Variants in SEZ6L2 observed in about 807,000 individuals in gnomAD.
The protein encoded by SEZ6L2 is seizure related 6 homolog like 2, also known as seizure 6-like protein 2.
SEZ6L2 carries 44 observed loss-of-function variants against 97.0 expected under a neutral mutation model. The ratio of observed to expected loss-of-function variants is 0.45; its 90% CI spans 0.36 to 0.58. The LOEUF is 0.58. Among genes scored for constraint, SEZ6L2 ranks in the 20% least tolerant of loss-of-function variants. The pLI, the probability that SEZ6L2 is intolerant of heterozygous loss-of-function variation, is 0.00. For synonymous variants in SEZ6L2, 543 were observed against 546.1 expected (o/e 0.99, Z 0.08); for missense variants, 1,086 against 1,233.3 (o/e 0.88, Z 1.79).
chr16:29,888,997 G>A (rs1339924906), intron 5 of SEZ6L2, among the ~76,000 whole-genome samples: 1 of 152,128 alleles, frequency 6.6e-6, no homozygotes, highest in Non-Finnish European at 1.5e-5. Context: ...GTTCAAACAA[G>A]TTATTCTGGA....
intron 7 of SEZ6L2, 112 bp from the exon 8 acceptor site, chr16:29,885,861 T>G: frequency 2.0e-6 from 2 of 1,012,678 alleles, no homozygotes; most frequent in South Asian, 3.4e-5. Flanking sequence ...CATAACTATA[T>G]GCCACGCACT....
intron 7 of SEZ6L2, among the ~76,000 whole-genome samples, chr16:29,886,624 T>A (rs895207337): frequency 6.7e-6 from 1 of 149,374 alleles, no homozygotes; most frequent in South Asian, 2.1e-4. Context: ...GAGGTTGTAG[T>A]GAGCCGAGAT....
chr16:29,872,074 G>A (rs988496599), intron 17 of SEZ6L2, 113 bp downstream of exon 17: 15 of 854,364 alleles, frequency 1.8e-5, no homozygotes, highest in Non-Finnish European at 2.5e-5. Context: ...ATGGCCTCTG[G>A]GGGCAGCTGA....
intron 12 of SEZ6L2, among the ~76,000 whole-genome samples, chr16:29,875,405 T>G (rs1290486471): frequency 6.6e-6 from 1 of 152,158 alleles, no homozygotes; most frequent in Non-Finnish European, 1.5e-5. Flanking sequence ...GGTTCCCTCC[T>G]GAGCCCGAGG....
chr16:29,888,642 T>G lies in SEZ6L2; in HGVS notation c.937A>C (p.Thr313Pro), dbSNP rs767213007. 3 of 1,613,908 alleles carry G rather than the reference T, an allele frequency of 1.9e-6. No homozygotes were observed. Among genetic ancestry groups the G allele is most frequent in the Admixed American group, 3.3e-5 (2 of 59,988 alleles). The change falls in exon 6 of 18, where the codon ACC becomes CCC. Residue 313 changes from threonine (T) to proline (P), a missense_variant. Around this residue, in one of 2 missense-constraint regions of SEZ6L2, gnomAD observed 776 missense variants for 794.7 expected, o/e 0.98. Coordinates refer to ENST00000617533, the MANE Select transcript of SEZ6L2 (RefSeq NM_001243332.2). The part of the protein sequence containing the change: ...VTDLHPGGTA[T>P]FHCDSGYQLQ... The stretch of plus-strand genomic sequence containing the variant: ...TGGTAGCCCGAATCACAGTGAAAGG[T>G]GGCAGTGCCCCCAGGGTGCAGGTCC...
At chr16:29,898,863 G>T in intron 1 of SEZ6L2, 78 bp downstream of exon 1, 1 of 1,131,996 alleles carries the variant, frequency 8.8e-7, no homozygotes, top group Non-Finnish European at 1.3e-6. Context: ...GGAAGACCCA[G>T]GATATTAAGA....
In SEZ6L2 at chr16:29,897,882, C is replaced by T; in HGVS notation, c.182G>A (p.Arg61Lys). 6.2e-7 allele frequency: 1 copy of T among 1,612,488 alleles called. No individual in the cohort carries two copies. Among genetic ancestry groups the T allele is most frequent in the Middle Eastern group, 1.7e-4 (1 of 6,044 alleles). The change falls in exon 2 of 18, where the codon AGG becomes AAG. Residue 61 changes from arginine (R) to lysine (K), a missense_variant. Around this residue, in one of 2 missense-constraint regions of SEZ6L2, gnomAD observed 776 missense variants for 794.7 expected, o/e 0.98. Transcript: ENST00000617533. ...CAGGTAGCCCATCTCTGGGCCCCTC[C>T]TCAGCAGGGCCCCATGAAGCAGTTC... ...LAELLHGALL[R>K]RGPEMGYLPG... is the part of the protein sequence containing the mutation.
chr16:29,871,284 T>C lies in SEZ6L2; in HGVS notation c.*415A>G, dbSNP rs1177352820. On this transcript the variant is annotated 3_prime_UTR_variant, in exon 18 of 18. Transcript: ENST00000617533. ...TTGTCCCAGCTCTCCCCTTTGTCCT[T>C]CTTCTGACCCTCCTGGCCGGAGTCA... is the stretch of plus-strand genomic sequence containing the variant. 3.9e-6 allele frequency: 1 copy of C among 255,632 alleles called. No homozygotes were observed. The highest frequency in any genetic ancestry group is 7.8e-6 in the Non-Finnish European group (1 of 128,228). 15.8% of individuals were successfully genotyped at this position (255,632 alleles called of 1,614,324 possible). A position where few individuals can be genotyped will look rare whatever the true frequency, so the allele number is the denominator to read the frequency against.
At chr16:29,896,556 G>A (rs2068394301) in intron 3 of SEZ6L2, among the ~76,000 whole-genome samples, 1 of 152,202 alleles carries the variant, frequency 6.6e-6, no homozygotes, top group Non-Finnish European at 1.5e-5. Context: ...GGGATTACAG[G>A]CTAGAGCCAC....
chr16:29,896,235 A>C (rs1426467730), intron 3 of SEZ6L2, among the ~76,000 whole-genome samples: 1 of 152,118 alleles, frequency 6.6e-6, no homozygotes, highest in Admixed American at 6.6e-5. Context: ...AATCACTGGG[A>C]TTACAGCTGT....
intron 6 of SEZ6L2, 106 bp from the exon 7 acceptor site, chr16:29,887,923 G>A: frequency 7.8e-7 from 1 of 1,287,510 alleles, no homozygotes; most frequent in Non-Finnish European, 1.1e-6. Flanking sequence ...ATTTGGCTGG[G>A]ACCCGGCCCA....
chr16:29,874,349 G>A (rs1344053418), intron 12 of SEZ6L2, among the ~76,000 whole-genome samples: 1 of 151,912 alleles, frequency 6.6e-6, no homozygotes, highest in Non-Finnish European at 1.5e-5. Context: ...GCCCTCTTTA[G>A]AGGGGGCCCA....
intron 8 of SEZ6L2, among the ~76,000 whole-genome samples, chr16:29,881,623 T>C (rs1225830794): frequency 9.8e-6 from 1 of 102,142 alleles, no homozygotes; most frequent in East Asian, 2.3e-4. Flanking sequence ...AGGAATTCTT[T>C]TTTTTTTTTT....
In SEZ6L2 at chr16:29,897,994, GA is replaced by G; in HGVS notation, c.80-11del. 6.2e-7 allele frequency: 1 copy of G among 1,612,510 alleles called. No homozygotes were observed. Among genetic ancestry groups the G allele is most frequent in the Non-Finnish European group, 8.5e-7 (1 of 1,179,270 alleles). Reference sequence around the variant, plus strand: ...TCCTTCAGGGGCAGACCTAGGAGGTGAAGTTGTGTGAGCTTCTCCACTTCCC... The same window carrying G: ...TCCTTCAGGGGCAGACCTAGGAGGTGAGTTGTGTGAGCTTCTCCACTTCCC... On this transcript the variant is annotated splice_polypyrimidine_tract_variant and intron_variant, in intron 1 of 17. Transcript: ENST00000617533.
At chr16:29,877,866 C>A (rs534355163) in intron 10 of SEZ6L2, among the ~76,000 whole-genome samples, 1 of 152,366 alleles carries the variant, frequency 6.6e-6, no homozygotes, top group South Asian at 2.1e-4. Context: ...GCCACGCCCA[C>A]TTCAGCTTCT....
rs1053002557 is a variant in SEZ6L2, at chr16:29,871,459, G to A, written c.*240C>T. ...GTTCCCCTCCCAGAATCCAAAAGCCGGTAGGGCGGGGGGCAGGCCCCTCGT... is the reference window on the plus strand; with the variant it reads ...GTTCCCCTCCCAGAATCCAAAAGCCAGTAGGGCGGGGGGCAGGCCCCTCGT... On this transcript the variant is annotated 3_prime_UTR_variant, in exon 18 of 18. Coordinates refer to ENST00000617533, the MANE Select transcript of SEZ6L2 (RefSeq NM_001243332.2). 16 of 589,028 alleles carry A rather than the reference G, an allele frequency of 2.7e-5. No homozygotes were observed. Among genetic ancestry groups the A allele is most frequent in the Admixed American group, 1.2e-4 (4 of 33,772 alleles). 36.5% of individuals were successfully genotyped at this position (589,028 alleles called of 1,614,324 possible).
rs60991015 is a variant in SEZ6L2 at position 29,886,680 on chromosome 16, T to TAA, written c.1209-933_1209-932dup. Among the ~76,000 whole-genome samples, 797 of 138,742 alleles carry TAA rather than the reference T, an allele frequency of 5.7e-3. 9 individuals are homozygous for TAA. The highest frequency in any genetic ancestry group is 0.02 in the African/African-American group (754 of 37,196). 91.0% of individuals were successfully genotyped at this position (138,742 alleles called of 152,430 possible). Reference sequence around the variant, plus strand: ...TGGGCGACAGGGTGAGACTCCATCTTAAAAAAAAAAAAAAAAGAGGATAGC... The same window carrying TAA: ...TGGGCGACAGGGTGAGACTCCATCTTAAAAAAAAAAAAAAAAAAGAGGATAGC... On this transcript the variant is annotated intron_variant, in intron 7 of 17. Transcript: ENST00000617533.
Position 29,887,738 on chromosome 16 carries a change from G to A in SEZ6L2, c.1119C>T (p.Asn373=). The A allele has an allele frequency of 1.2e-6, 2 of 1,613,610 alleles. No homozygotes were observed. The highest frequency in any genetic ancestry group is 1.7e-6 in the Non-Finnish European group (2 of 1,179,762). ...CTTCAATGACCCAACGGCAGGTGAGGTTGGGCCCTACGGCTCCCCCAGGCT... is the reference window on the plus strand; with the variant it reads ...CTTCAATGACCCAACGGCAGGTGAGATTGGGCCCTACGGCTCCCCCAGGCT... ...SPEPGGAVGP[N]LTCRWVIEAA... The change falls in exon 7 of 18, where the codon AAC becomes AAT. Residue 373 remains asparagine, a synonymous_variant. Transcript: ENST00000617533.
intron 12 of SEZ6L2, among the ~76,000 whole-genome samples, chr16:29,874,588 T>TTTTTTTTTTTTTG: frequency 7.5e-6 from 1 of 133,026 alleles, no homozygotes; most frequent in Non-Finnish European, 1.5e-5. Context: ...TTTTTTTTTT[T>TTTTTTTTTTTTTG]GAGATGGGAG....
Sources: gnomAD v4.1 joint callset for allele counts (sites outside exome capture counted in the v4.1 genomes callset) on GRCh38, gnomAD v4.1.1 for gene constraint, gnomAD v4.1.1 regional missense constraint, MANE v1.5 for transcripts, NCBI Gene and HGNC (gene_info 2026-07-23, HGNC 2026-07-21) for gene names.